DCLK2: variants seen among roughly 807,000 people sequenced by gnomAD.
DCLK2 encodes doublecortin like kinase 2, also known as serine/threonine-protein kinase DCLK2.
In DCLK2, 31 loss-of-function variants were observed where a neutral mutation model predicts 78.4. The ratio of observed to expected loss-of-function variants is 0.40; its 90% CI spans 0.30 to 0.53. The LOEUF is 0.53. Among genes scored for constraint, DCLK2 ranks in the 20% least tolerant of loss-of-function variants. DCLK2 has a pLI of 0.61. For synonymous variants in DCLK2, 407 were observed against 374.9 expected (o/e 1.09, Z -0.99); for missense variants, 872 against 973.7 (o/e 0.90, Z 1.39).
At position 150,198,089 on chromosome 4, in the gene DCLK2, A is replaced by C; in HGVS notation, c.947A>C (p.Lys316Thr). ...SKSPGPSRRS[K>T]SPASVNGTPS... The stretch of plus-strand genomic sequence containing the variant: ...AGCCCTGGGCCCTCTCGACGCAGCA[A>C]ATCACCAGCTTCAGGTAGTTAATGG... Residue 316 changes from lysine (K) to threonine (T), a missense_variant, in exon 4 of 16, where the codon AAA (lysine) becomes ACA (threonine). Lys to Thr is a moderately conservative substitution (Grantham distance 78). Around this residue, in one of 3 missense-constraint regions of DCLK2, gnomAD observed 567 missense variants for 593.4 expected, o/e 0.96. Coordinates refer to ENST00000296550, the MANE Select transcript of DCLK2 (RefSeq NM_001040260.4). 3.1e-6 allele frequency: 5 copies of C among 1,613,640 alleles called. No individual in the cohort carries two copies. Among genetic ancestry groups the C allele is most frequent in the Non-Finnish European group, 4.2e-6 (5 of 1,179,790 alleles).
rs1736591468 is a variant in DCLK2, at chr4:150,172,303, G to A, written c.757-20835G>A. Among the ~76,000 whole-genome samples the A allele has an allele frequency of 2.0e-5, 3 of 152,216 alleles. No homozygotes were observed. In the East Asian group the frequency reaches 5.8e-4, roughly 29 times the overall value. ...AAACCTATATTTGGCAGTGTGGCCT[G>A]TATGACTAAAGAAATCCTGGCCAGG... On this transcript the variant is annotated intron_variant, in intron 2 of 15. Transcript: ENST00000296550.
At chr4:150,178,866 A>G (rs965451556) in intron 2 of DCLK2, among the ~76,000 whole-genome samples, 2 of 152,164 alleles carry the variant, frequency 1.3e-5, no homozygotes, top group African/African-American at 4.8e-5. Context: ...TCTCTTTCTA[A>G]GCTCACAAAT....
intron 2 of DCLK2, among the ~76,000 whole-genome samples, chr4:150,105,919 A>G (rs915815509): frequency 1.3e-5 from 2 of 152,096 alleles, no homozygotes; most frequent in African/African-American, 4.8e-5. Flanking sequence ...ACTTGCCATC[A>G]GAAATTGAAT....
intron 1 of DCLK2, among the ~76,000 whole-genome samples, chr4:150,095,542 G>A (rs969284578): frequency 2.0e-5 from 3 of 152,116 alleles, no homozygotes; most frequent in Admixed American, 6.5e-5. Context: ...CATGTGGGCC[G>A]ACTCTGATCT....
intron 3 of DCLK2, among the ~76,000 whole-genome samples, chr4:150,196,676 A>G (rs902453842): frequency 6.6e-6 from 1 of 152,014 alleles, no homozygotes; most frequent in African/African-American, 2.4e-5. Context: ...GCAAAAAAAA[A>G]AAACTCAGGC....
intron 5 of DCLK2, among the ~76,000 whole-genome samples, chr4:150,210,449 C>G (rs946781893): frequency 1.3e-5 from 2 of 152,186 alleles, no homozygotes; most frequent in African/African-American, 4.8e-5. Context: ...TCTCCCTTCA[C>G]CTCTGCTTTC....
chr4:150,256,216 G>C lies in DCLK2; in HGVS notation c.2270G>C (p.Arg757Pro). ...CCTCCCGCTGCCCCGGGTGGTGAGCGGGCAGGAACCTGGCGCCGCCACCGA... is the reference window on the plus strand; with the variant it reads ...CCTCCCGCTGCCCCGGGTGGTGAGCCGGCAGGAACCTGGCGCCGCCACCGA... ...HPPPAAPGGE[R>P]AGTWRRHRD The change falls in exon 16 of 16, where the codon CGG becomes CCG. Residue 757 changes from arginine to proline, a missense_variant. Arg to Pro is a moderately radical substitution (Grantham distance 103). This residue lies in a region of DCLK2 where 219 missense variants were observed against 230.1 expected (regional missense o/e 0.95). Coordinates refer to ENST00000296550, the MANE Select transcript of DCLK2 (RefSeq NM_001040260.4). The C allele has an allele frequency of 2.0e-6, 3 of 1,528,498 alleles. No homozygotes were observed. Among genetic ancestry groups the C allele is most frequent in the Non-Finnish European group, 2.6e-6 (3 of 1,139,210 alleles). 94.7% of individuals were successfully genotyped at this position (1,528,498 alleles called of 1,614,324 possible).
chr4:150,186,912 G>C lies in DCLK2; in HGVS notation c.757-6226G>C, dbSNP rs1560847207. ...TCTCAAAATGTGTGTGTGTGTGTGTGTGTGTGTGTGTGTGTGTAGTCTCAT... is the reference window on the plus strand; with the variant it reads ...TCTCAAAATGTGTGTGTGTGTGTGTCTGTGTGTGTGTGTGTGTAGTCTCAT... On this transcript the variant is annotated intron_variant, in intron 2 of 15. Coordinates refer to ENST00000296550, the MANE Select transcript of DCLK2 (RefSeq NM_001040260.4). 5.3e-5 allele frequency among the ~76,000 whole-genome samples: 8 copies of C among 151,994 alleles called. No homozygotes were observed. In the South Asian group the frequency reaches 1.7e-3, roughly 32 times the overall value.
Position 150,248,315 on chromosome 4 carries a change from G to C in DCLK2, c.1886G>C (p.Ser629Thr). 6.2e-7 allele frequency: 1 copy of C among 1,613,948 alleles called. No individual in the cohort carries two copies. The highest frequency in any genetic ancestry group is 2.2e-5 in the East Asian group (1 of 44,882). The change falls in exon 14 of 16, where the codon AGT becomes ACT. Residue 629 changes from serine to threonine, a missense_variant. This residue lies in a region of DCLK2 where 219 missense variants were observed against 230.1 expected (regional missense o/e 0.95). Coordinates refer to ENST00000296550, the MANE Select transcript of DCLK2 (RefSeq NM_001040260.4). ...TTTGTTTATTTGTAGGAATTAATCA[G>C]TCAAATGCTTCAGGTAAATGTTGAA... ...NITDSAKELI[S>T]QMLQVNVEAR...
chr4:150,253,471 C>T (rs1744334330), intron 15 of DCLK2: 1 of 1,289,626 alleles, frequency 7.8e-7, no homozygotes, highest in Non-Finnish European at 1.0e-6. Context: ...TTTTGTTTGA[C>T]AGTTTGATTT....
intron 4 of DCLK2, among the ~76,000 whole-genome samples, chr4:150,200,902 C>T (rs1276334305): frequency 6.6e-6 from 1 of 152,216 alleles, no homozygotes; most frequent in Non-Finnish European, 1.5e-5. Context: ...CACTGAACCT[C>T]CGCCTCAGGA....
At chr4:150,243,489 A>G (rs919773556) in intron 12 of DCLK2, among the ~76,000 whole-genome samples, 4 of 152,362 alleles carry the variant, frequency 2.6e-5, no homozygotes, top group East Asian at 1.9e-4. Context: ...ACTTTAAATT[A>G]CGGTAAATAA....
chr4:150,093,193 TACTC>T (rs1325722649), intron 1 of DCLK2, among the ~76,000 whole-genome samples: 1 of 152,148 alleles, frequency 6.6e-6, no homozygotes, highest in African/African-American at 2.4e-5. Context: ...CAAAATTAAA[TACTC>T]AGGAAAATTA....
chr4:150,221,818 T>A, intron 7 of DCLK2, 33 bp downstream of exon 7: 1 of 1,309,592 alleles, frequency 7.6e-7, no homozygotes, highest in South Asian at 1.4e-5. Context: ...TAATGAATAA[T>A]GAAAATGATA....
chr4:150,154,509 A>G (rs1735119805), intron 2 of DCLK2, among the ~76,000 whole-genome samples: 1 of 152,190 alleles, frequency 6.6e-6, no homozygotes, highest in Non-Finnish European at 1.5e-5. Flanking sequence ...TTTTATAAAG[A>G]TTTAAATTTT....
chr4:150,193,179 T>C lies in DCLK2; in HGVS notation c.798T>C (p.Phe266=). ...LQDFFGDDDV[F]IACGPEKFRY... is the part of the protein sequence containing the mutation. ...ACTTTTTTGGTGATGACGATGTTTTTATTGCATGTGGACCAGAAAAATTTC... is the reference window on the plus strand; with the variant it reads ...ACTTTTTTGGTGATGACGATGTTTTCATTGCATGTGGACCAGAAAAATTTC... Residue 266 remains phenylalanine (F), a synonymous_variant, in exon 3 of 16, where the codon TTT becomes TTC. Transcript: ENST00000296550. The C allele has an allele frequency of 6.2e-7, 1 of 1,611,670 alleles. No individual in the cohort carries two copies. The highest frequency in any genetic ancestry group is 8.5e-7 in the Non-Finnish European group (1 of 1,178,452).
intron 1 of DCLK2, among the ~76,000 whole-genome samples, chr4:150,096,285 CT>C (rs1198703060): frequency 1.3e-5 from 2 of 152,072 alleles, no homozygotes; most frequent in South Asian, 2.1e-4. Context: ...ACTTTGGGGA[CT>C]TTAGGAAGAG....
At chr4:150,219,312 A>G (rs903627471) in intron 5 of DCLK2, among the ~76,000 whole-genome samples, 1 of 108,730 alleles carries the variant, frequency 9.2e-6, no homozygotes, top group African/African-American at 3.7e-5. Context: ...CTTGTTGCCT[A>G]TGCTGGAGCA....
intron 2 of DCLK2, among the ~76,000 whole-genome samples, chr4:150,127,330 G>C (rs933093849): frequency 1.3e-5 from 2 of 152,162 alleles, no homozygotes; most frequent in Admixed American, 1.3e-4. Context: ...TTGCCAAATA[G>C]TAGTTTTATA....
Sources: gnomAD v4.1 joint callset for allele counts (sites outside exome capture counted in the v4.1 genomes callset) on GRCh38, gnomAD v4.1.1 for gene constraint, gnomAD v4.1.1 regional missense constraint, MANE v1.5 for transcripts, NCBI Gene and HGNC (gene_info 2026-07-23, HGNC 2026-07-21) for gene names.